The following ARL8B variants were observed in gnomAD, a reference collection of about 807,000 sequenced individuals.
The protein encoded by ARL8B is ARF like GTPase 8B, also known as ADP-ribosylation factor-like protein 8B.
In ARL8B, 9 loss-of-function variants were observed where a neutral mutation model predicts 30.6. That is an observed-to-expected ratio of 0.29 (90% CI 0.18 to 0.51). The LOEUF is 0.51. Ranked by LOEUF, ARL8B falls within the 20% of genes least tolerant of loss-of-function variation. The probability of loss-of-function intolerance (pLI) is 0.97; values close to 1 mark genes in which losing one functional copy is unlikely to be tolerated. For missense variants in ARL8B, 130 were observed against 227.2 expected (o/e 0.57, Z 2.75); for synonymous variants, 74 against 76.0 (o/e 0.97, Z 0.14).
chr3:5,132,894 A>G (rs1190454975), intron 1 of ARL8B, among the ~76,000 whole-genome samples: 1 of 152,180 alleles, frequency 6.6e-6, no homozygotes, highest in Non-Finnish European at 1.5e-5. Context: ...CCACCCCATT[A>G]AGACATTGGA....
chr3:5,136,760 GGA>G (rs4054879), intron 1 of ARL8B, among the ~76,000 whole-genome samples: 55,188 of 151,818 alleles, frequency 0.36, 10,903 homozygotes, highest in African/African-American at 0.55. Context: ...TGGTAATGAT[GGA>G]GAGACTGAGA....
At chr3:5,158,759 T>C (rs1007972088) in intron 1 of ARL8B, among the ~76,000 whole-genome samples, 9 of 152,204 alleles carry the variant, frequency 5.9e-5, no homozygotes, top group Non-Finnish European at 2.9e-5. Flanking sequence ...TTATCAGTTA[T>C]GTGACTACTG....
rs2106571685 is a variant in ARL8B, at chr3:5,171,962, A to G, written c.205-188A>G. ...GTAAATGTATTAAATACGGACTTCA[A>G]GTTTAGAAGTGGCCCCAAGAATTCC... is the stretch of plus-strand genomic sequence containing the variant. On this transcript the variant is annotated intron_variant, in intron 2 of 6. Coordinates refer to ENST00000256496, the MANE Select transcript of ARL8B (RefSeq NM_018184.3). Among the ~76,000 whole-genome samples the G allele has an allele frequency of 2.0e-5, 3 of 152,380 alleles. 1 individual carries two copies.
intron 2 of ARL8B, 124 bp from the exon 3 acceptor site, chr3:5,172,026 C>T (rs1490621674): frequency 2.4e-6 from 2 of 829,946 alleles, no homozygotes; most frequent in Non-Finnish European, 3.8e-6. Flanking sequence ...CTTTCAGGAG[C>T]ACTTTGCCTC....
At position 5,161,492 on chromosome 3, in the gene ARL8B, T is replaced by C. The variant is rs149543322; in HGVS notation, c.124-9011T>C. ...TCTTAAGGGTTTGAGTGGGTCTGTT[T>C]GTTTGCCTCATCTAAAGGCTAGCTG... On this transcript the variant is annotated intron_variant, in intron 1 of 6. Transcript: ENST00000256496. Among the ~76,000 whole-genome samples the C allele has an allele frequency of 5.2e-3, 795 of 152,312 alleles. 6 individuals carry two copies. The highest frequency in any genetic ancestry group is 0.018 in the African/African-American group (739 of 41,548).
chr3:5,156,719 A>C (rs562940477), intron 1 of ARL8B, among the ~76,000 whole-genome samples: 116 of 152,160 alleles, frequency 7.6e-4, no homozygotes, highest in African/African-American at 2.7e-3. Flanking sequence ...CCCGGCCTCA[A>C]ATGGGATTTC....
At chr3:5,177,269 A>C (rs2054738511) in intron 6 of ARL8B, among the ~76,000 whole-genome samples, 1 of 152,222 alleles carries the variant, frequency 6.6e-6, no homozygotes, top group South Asian at 2.1e-4. Flanking sequence ...AAGGTTGTCA[A>C]GCCCAAGGAA....
intron 6 of ARL8B, 34 bp from the exon 7 acceptor site, chr3:5,178,630 C>CT (rs759215161): frequency 1.5e-5 from 24 of 1,583,462 alleles, no homozygotes; most frequent in Non-Finnish European, 2.0e-5. Flanking sequence ...AGTTTTTTAA[C>CT]TTTAATGTCT....
intron 1 of ARL8B, among the ~76,000 whole-genome samples, chr3:5,156,213 G>C (rs886270637): frequency 6.6e-6 from 1 of 151,742 alleles, no homozygotes; most frequent in Non-Finnish European, 1.5e-5. Flanking sequence ...TAAGATAATT[G>C]TTTACTGGTC....
At chr3:5,160,303 C>T (rs573876783) in intron 1 of ARL8B, among the ~76,000 whole-genome samples, 4 of 152,286 alleles carry the variant, frequency 2.6e-5, no homozygotes, top group African/African-American at 7.2e-5. Flanking sequence ...AAGGGATACT[C>T]ACTAGCAAAC....
At chr3:5,162,648 G>A (rs1360150479) in intron 1 of ARL8B, among the ~76,000 whole-genome samples, 2 of 152,104 alleles carry the variant, frequency 1.3e-5, no homozygotes, top group South Asian at 2.1e-4. Flanking sequence ...ATTTTTGCAC[G>A]CTACTTAATT....
chr3:5,138,754 G>T (rs1559277561), intron 1 of ARL8B, among the ~76,000 whole-genome samples: 1 of 152,130 alleles, frequency 6.6e-6, no homozygotes, highest in Non-Finnish European at 1.5e-5. Context: ...ACTGCAGTTT[G>T]GAACCTGAGA....
Position 5,178,648 on chromosome 3 carries a change from T to C in ARL8B, c.512-16T>C, listed in dbSNP as rs1216762461. The C allele has an allele frequency of 1.3e-6, 2 of 1,594,562 alleles. No individual in the cohort carries two copies. Among genetic ancestry groups the C allele is most frequent in the Non-Finnish European group, 1.7e-6 (2 of 1,172,360 alleles). On this transcript the variant is annotated splice_polypyrimidine_tract_variant and intron_variant, in intron 6 of 6. Transcript: ENST00000256496. ...TTTTTAACTTTAATGTCTTCACTTT[T>C]CCCCTCTATCTTTAGATATCACACT...
intron 1 of ARL8B, among the ~76,000 whole-genome samples, chr3:5,144,937 G>C (rs1310066092): frequency 6.6e-6 from 1 of 152,196 alleles, no homozygotes; most frequent in Non-Finnish European, 1.5e-5. Context: ...TAGAATTAGT[G>C]AATATAGTGC....
chr3:5,132,095 C>G (rs376969457), intron 1 of ARL8B, among the ~76,000 whole-genome samples: 2 of 152,220 alleles, frequency 1.3e-5, no homozygotes, highest in African/African-American at 4.8e-5. Flanking sequence ...TGCTGTATTG[C>G]TCAGGCTGAT....
At chr3:5,142,027 A>G (rs2054378885) in intron 1 of ARL8B, among the ~76,000 whole-genome samples, 1 of 152,172 alleles carries the variant, frequency 6.6e-6, no homozygotes, top group African/African-American at 2.4e-5. Flanking sequence ...TTGACATTAA[A>G]AGAGTTTGTC....
At chr3:5,155,785 A>G (rs1361599317) in intron 1 of ARL8B, among the ~76,000 whole-genome samples, 4 of 120,420 alleles carry the variant, frequency 3.3e-5, no homozygotes, top group African/African-American at 9.8e-5. Context: ...TCGGTTTTCT[A>G]CCTCTTTATT....
At chr3:5,153,365 T>G (rs2054502815) in intron 1 of ARL8B, among the ~76,000 whole-genome samples, 1 of 152,178 alleles carries the variant, frequency 6.6e-6, no homozygotes, top group South Asian at 2.1e-4. Context: ...TCTTATGAGA[T>G]CTGATGGTTT....
chr3:5,130,920 C>T (rs778033562), intron 1 of ARL8B, among the ~76,000 whole-genome samples: 21 of 152,048 alleles, frequency 1.4e-4, no homozygotes, highest in Non-Finnish European at 2.4e-4. Context: ...GCCTTTTCTT[C>T]GCTCTTTTCT....
Sources: allele counts gnomAD v4.1 joint callset (sites outside exome capture counted in the v4.1 genomes callset), GRCh38; gene constraint gnomAD v4.1.1; transcripts MANE v1.5; gene names NCBI Gene and HGNC (gene_info 2026-07-23, HGNC 2026-07-21).